The following WRAP73 variants were observed in gnomAD, a reference collection of about 807,000 sequenced individuals.
WRAP73 encodes the protein WD repeat containing, antisense to TP73, also known as WD repeat-containing protein WRAP73.
In WRAP73, 55 loss-of-function variants were observed where a neutral mutation model predicts 59.6. The ratio of observed to expected loss-of-function variants is 0.92; its 90% CI spans 0.74 to 1.15. The LOEUF (loss-of-function observed/expected upper bound fraction) is 1.15, where lower values mean the gene tolerates loss of function less well. Among genes scored for constraint, WRAP73 ranks in the 50% most tolerant of loss-of-function variants. The pLI, the probability that WRAP73 is intolerant of heterozygous loss-of-function variation, is 0.00. For synonymous variants in WRAP73, 265 were observed against 258.2 expected, an observed-to-expected ratio of 1.03 and a Z score of -0.25; for missense variants, 592 against 608.1, an observed-to-expected ratio of 0.97 and a Z score of 0.28.
chr1:3,631,336 CAA>C (rs1199939513), intron 11 of WRAP73, 128 bp downstream of exon 11: 5 of 1,358,134 alleles, frequency 3.7e-6, no homozygotes, highest in Admixed American at 2.2e-5. Flanking sequence ...GAGGTTTACG[CAA>C]AGACTCTGAG....
rs117866175 is a variant in WRAP73 at position 3,638,048 on chromosome 1, A to G, written c.412+702T>C. ...ACGCTAATATTCCAACTATAAGAAT[A>G]AGAGTGTGACTGCATTGCATTCAAA... On this transcript the variant is annotated intron_variant, in intron 4 of 11. Transcript: ENST00000270708. Among the ~76,000 whole-genome samples the G allele has an allele frequency of 1.3e-4, 20 of 152,356 alleles. 1 individual carries two copies. The East Asian group carries it at 3.9e-3, about 29-fold the overall frequency.
At chr1:3,638,615 C>T (rs1256487478) in intron 4 of WRAP73, 135 bp downstream of exon 4, 1 of 891,784 alleles carries the variant, frequency 1.1e-6, no homozygotes, top group Non-Finnish European at 1.8e-6. Context: ...CTAAGGTCTC[C>T]TTTAAAAGAG....
intron 4 of WRAP73, among the ~76,000 whole-genome samples, chr1:3,637,448 C>T (rs748294828): frequency 2.0e-5 from 3 of 152,266 alleles, no homozygotes; most frequent in Non-Finnish European, 2.9e-5. Flanking sequence ...GTCTAAGCTG[C>T]GGGACACCCA....
At chr1:3,645,523 G>A (rs1195486577) in intron 3 of WRAP73, among the ~76,000 whole-genome samples, 2 of 151,526 alleles carry the variant, frequency 1.3e-5, no homozygotes, top group African/African-American at 2.4e-5. Flanking sequence ...GGGTTGCCCC[G>A]TGGTGTGCGC....
At chr1:3,645,900 T>C (rs1031790633) in intron 3 of WRAP73, among the ~76,000 whole-genome samples, 2 of 152,168 alleles carry the variant, frequency 1.3e-5, no homozygotes, top group Admixed American at 6.5e-5. Context: ...GCCAGGCTCC[T>C]GAAGGAAAGG....
chr1:3,633,298 G>GT (rs77717061), intron 9 of WRAP73, 100 bp downstream of exon 9: 47,130 of 910,744 alleles, frequency 0.052, no homozygotes, highest in East Asian at 0.063. Context: ...GGGAAAAAAA[G>GT]TTTTTTTTTT....
At chr1:3,640,671 C>A (rs187038323) in intron 3 of WRAP73, among the ~76,000 whole-genome samples, 3 of 141,580 alleles carry the variant, frequency 2.1e-5, no homozygotes, top group African/African-American at 8.9e-5. Context: ...GGGTGGAGCG[C>A]CCGAGCATCT....
chr1:3,647,615 C>A (rs1644704510), intron 1 of WRAP73, 55 bp from the exon 2 acceptor site: 3 of 1,581,898 alleles, frequency 1.9e-6, no homozygotes, highest in Admixed American at 1.7e-5. Flanking sequence ...AAGAGGGGGG[C>A]CTTCGGAATG....
In WRAP73 at chr1:3,647,654, C is replaced by T. The variant is rs1557465654; in HGVS notation, c.70-94G>A. On this transcript the variant is annotated intron_variant, in intron 1 of 11. Transcript: ENST00000270708. ...CTGCCCTGGCCTTCAGTGACTGTGG[C>T]CTTCTCTCCTGCCAGAGGTTTCATG... 3.6e-6 allele frequency: 5 copies of T among 1,400,532 alleles called. No homozygotes were observed. The East Asian group carries it at 1.2e-4, about 33-fold the overall frequency. The allele number at this position is 1,400,532 out of a possible 1,614,324, so 86.8% of individuals were successfully genotyped here.
rs894139801 is a variant in WRAP73, at chr1:3,649,813, G to T, written c.69+118C>A. On this transcript the variant is annotated intron_variant, in intron 1 of 11. Transcript: ENST00000270708. ...CTGCCCGGGCCCCGCACCTGTCCGG[G>T]CACCGCACCTGCAGGATCCCCAAGC... is the stretch of plus-strand genomic sequence containing the variant. The T allele has an allele frequency of 4.9e-5, 55 of 1,111,520 alleles. No individual in the cohort carries two copies. In the Admixed American group the frequency reaches 1.4e-3, roughly 27 times the overall value. The allele number at this position is 1,111,520 out of a possible 1,614,324, so 68.9% of individuals were successfully genotyped here.
intron 2 of WRAP73, 52 bp downstream of exon 2, chr1:3,647,356 C>G: frequency 6.5e-7 from 1 of 1,545,448 alleles, no homozygotes; most frequent in Non-Finnish European, 8.7e-7. Flanking sequence ...ACCCCTCCTT[C>G]CCAGGGGCCC....
chr1:3,640,318 G>A (rs921783264), intron 3 of WRAP73, among the ~76,000 whole-genome samples: 1 of 152,250 alleles, frequency 6.6e-6, no homozygotes, highest in African/African-American at 2.4e-5. Context: ...TCCCACCAGC[G>A]TGTCTGAGGC....
chr1:3,632,201 A>T lies in WRAP73; in HGVS notation c.1048+12T>A. 6.2e-7 allele frequency: 1 copy of T among 1,609,962 alleles called. No individual in the cohort carries two copies. The highest frequency in any genetic ancestry group is 8.5e-7 in the Non-Finnish European group (1 of 1,177,552). On this transcript the variant is annotated intron_variant, in intron 10 of 11. Transcript: ENST00000270708. ...TAAAGGGTGAGACAGCACCTGCGTC[A>T]GCACAACTGACCGTTCCTTGTCGCC...
At chr1:3,635,130 A>C (rs1254588295) in intron 7 of WRAP73, 30 bp downstream of exon 7, 2 of 1,614,110 alleles carry the variant, frequency 1.2e-6, no homozygotes, top group South Asian at 2.2e-5. Flanking sequence ...GGGCGGTCGG[A>C]CTTCCTGAGT....
intron 5 of WRAP73, 22 bp from the exon 6 acceptor site, chr1:3,636,052 A>C: frequency 6.3e-7 from 1 of 1,582,676 alleles, no homozygotes; most frequent in East Asian, 2.2e-5. Context: ...AGGGGGGGAA[A>C]CATTAAATTT....
intron 8 of WRAP73, 45 bp from the exon 9 acceptor site, chr1:3,633,548 G>A (rs376245427): frequency 1.4e-5 from 20 of 1,463,582 alleles, no homozygotes; most frequent in Middle Eastern, 1.9e-4. Flanking sequence ...ACAGGGACCC[G>A]GAAGCCAAGG....
rs1174482566 is a variant in WRAP73 at position 3,639,591 on chromosome 1, C to T, written c.340-769G>A. 2 of 152,284 alleles carry T rather than the reference C, an allele frequency of 1.3e-5. No homozygotes were observed. The highest frequency in any genetic ancestry group is 2.1e-4 in the South Asian group (1 of 4,834). 9.4% of individuals were successfully genotyped at this position (152,284 alleles called of 1,614,324 possible). A position where few individuals can be genotyped will look rare whatever the true frequency, so the allele number is the denominator to read the frequency against. On this transcript the variant is annotated intron_variant, in intron 3 of 11. Transcript: ENST00000270708. The surrounding 1 kb of genome is among the most constrained non-coding windows in gnomAD (Gnocchi z 4.3). ...CCACCTGCATTTCCCACTGAGACCC[C>T]GTGGAGCCTACCAGGGAATCATCTT...
chr1:3,645,600 G>C (rs1452492936), intron 3 of WRAP73, among the ~76,000 whole-genome samples: 1 of 152,206 alleles, frequency 6.6e-6, no homozygotes, highest in East Asian at 1.9e-4. Flanking sequence ...GCACTCAGTG[G>C]ACTTGGGCCC....
intron 3 of WRAP73, 113 bp from the exon 4 acceptor site, chr1:3,638,935 G>T: frequency 8.9e-7 from 1 of 1,119,354 alleles, no homozygotes; most frequent in Non-Finnish European, 1.3e-6. Flanking sequence ...TGCTGGAGTG[G>T]ATCTATCAGG....
Sources: allele counts gnomAD v4.1 joint callset (sites outside exome capture counted in the v4.1 genomes callset), GRCh38; gene constraint gnomAD v4.1.1; non-coding constraint Gnocchi (gnomAD v3.1); transcripts MANE v1.5; gene names NCBI Gene and HGNC (gene_info 2026-07-23, HGNC 2026-07-21).